The following MARCHF11 variants were observed in gnomAD, a reference collection of about 807,000 sequenced individuals.
MARCHF11 encodes the protein membrane associated ring-CH-type finger 11.
In MARCHF11, 29 loss-of-function variants were observed where a neutral mutation model predicts 37.3. The observed-to-expected ratio is 0.78, with a 90% CI of 0.58 to 1.06. The LOEUF (loss-of-function observed/expected upper bound fraction) is 1.06. Ranked by LOEUF, MARCHF11 falls within the 50% of genes least tolerant of loss-of-function variation. The pLI is 0.00. For synonymous variants in MARCHF11, 233 were observed against 228.0 expected, an observed-to-expected ratio of 1.02 and a Z score of -0.20; for missense variants, 482 against 533.4, an observed-to-expected ratio of 0.90 and a Z score of 0.95.
intron 2 of MARCHF11, among the ~76,000 whole-genome samples, chr5:16,113,135 T>C (rs1371412117): frequency 2.0e-5 from 3 of 152,162 alleles, no homozygotes; most frequent in Non-Finnish European, 4.4e-5. Flanking sequence ...AAGAAATGCA[T>C]GATATATTCA....
chr5:16,088,635 A>G (rs1279327674), intron 3 of MARCHF11, among the ~76,000 whole-genome samples: 6 of 152,212 alleles, frequency 3.9e-5, no homozygotes, highest in African/African-American at 9.7e-5. Context: ...TTTCTTTACT[A>G]TAATAGTTTC....
At chr5:16,162,109 A>G (rs1379962342) in intron 2 of MARCHF11, among the ~76,000 whole-genome samples, 2 of 152,028 alleles carry the variant, frequency 1.3e-5, no homozygotes, top group African/African-American at 4.8e-5. Flanking sequence ...CTATAAATTA[A>G]ATGCTTAAAA....
At chr5:16,116,159 A>G (rs973651878) in intron 2 of MARCHF11, among the ~76,000 whole-genome samples, 13 of 152,210 alleles carry the variant, frequency 8.5e-5, no homozygotes, top group African/African-American at 3.1e-4. Flanking sequence ...CACCAAGTCA[A>G]TGAATAGTAT....
chr5:16,179,392 C>T lies in MARCHF11; in HGVS notation c.184G>A (p.Ala62Thr). The T allele has an allele frequency of 4.4e-6, 5 of 1,148,774 alleles. No individual in the cohort carries two copies. The highest frequency in any genetic ancestry group is 4.2e-5 in the South Asian group (1 of 23,594). The allele number at this position is 1,148,774 out of a possible 1,614,324, so 71.2% of individuals were successfully genotyped here. A position where few individuals can be genotyped will look rare whatever the true frequency, so the allele number is the denominator to read the frequency against. The part of the protein sequence containing the change: ...LPASPETPER[A>T]AGPSEPLGEV... ...CCTAGCGGCTCGCTTGGCCCCGCGG[C>T]GCGCTCGGGGGTCTCGGGGGACGCG... is the stretch of plus-strand genomic sequence containing the variant. The change falls in exon 1 of 4, where the codon GCC becomes ACC. Residue 62 changes from alanine to threonine, a missense_variant. Transcript: ENST00000332432.
Position 16,113,724 on chromosome 5 carries a change from A to T in MARCHF11, c.694-22643T>A, listed in dbSNP as rs114284663. Among the ~76,000 whole-genome samples, 1,296 of 152,332 alleles carry T rather than the reference A, an allele frequency of 8.5e-3. 21 individuals carry two copies. Among genetic ancestry groups the T allele is most frequent in the African/African-American group, 0.03 (1,233 of 41,578 alleles). The stretch of plus-strand genomic sequence containing the variant: ...TTTTGACACATGCATACAATGTGTA[A>T]TGAAGAAATCATGATATTTAGGATA... On this transcript the variant is annotated intron_variant, in intron 2 of 3. Coordinates refer to ENST00000332432, the MANE Select transcript of MARCHF11 (RefSeq NM_001102562.3).
intron 2 of MARCHF11, among the ~76,000 whole-genome samples, chr5:16,101,301 C>T (rs748321062): frequency 5.9e-5 from 9 of 152,086 alleles, no homozygotes; most frequent in Non-Finnish European, 1.3e-4. Flanking sequence ...GCGTGAACCC[C>T]GGAGGCGGAG....
intron 2 of MARCHF11, among the ~76,000 whole-genome samples, chr5:16,155,686 C>T (rs1404571350): frequency 1.3e-5 from 2 of 151,836 alleles, no homozygotes; most frequent in Non-Finnish European, 2.9e-5. Context: ...AAGTAAAATA[C>T]AATTTTCCTA....
At chr5:16,103,286 G>C (rs78205163) in intron 2 of MARCHF11, among the ~76,000 whole-genome samples, 1,739 of 152,282 alleles carry the variant, frequency 0.011, 27 homozygotes, top group African/African-American at 0.04. Flanking sequence ...AGTTGGCTAG[G>C]TGGAGAGACA....
chr5:16,151,685 G>GTGTGTC (rs1553998165), intron 2 of MARCHF11, among the ~76,000 whole-genome samples: 8 of 150,094 alleles, frequency 5.3e-5, no homozygotes, highest in African/African-American at 2.0e-4. Context: ...GTGTGTGTGT[G>GTGTGTC]TGTGTGTCTG....
At chr5:16,095,135 T>G (rs2126559619) in intron 2 of MARCHF11, among the ~76,000 whole-genome samples, 1 of 152,194 alleles carries the variant, frequency 6.6e-6, no homozygotes, top group East Asian at 1.9e-4. Context: ...GCATACACCC[T>G]GCCTCTGCAG....
At chr5:16,073,915 A>T (rs532189265) in intron 3 of MARCHF11, among the ~76,000 whole-genome samples, 7 of 152,356 alleles carry the variant, frequency 4.6e-5, no homozygotes, top group African/African-American at 1.7e-4. Flanking sequence ...AGATATTTCC[A>T]GAACATTCTA....
chr5:16,117,949 G>A (rs986116013), intron 2 of MARCHF11, among the ~76,000 whole-genome samples: 8 of 152,212 alleles, frequency 5.3e-5, no homozygotes, highest in African/African-American at 1.7e-4. Flanking sequence ...CAAGTTTTAT[G>A]AGAAAGCACA....
intron 2 of MARCHF11, among the ~76,000 whole-genome samples, chr5:16,149,296 G>C (rs993533266): frequency 2.0e-5 from 3 of 152,124 alleles, no homozygotes; most frequent in African/African-American, 4.8e-5. Context: ...TGAAGAGGAA[G>C]GGGAATGGAA....
chr5:16,074,752 A>G (rs149340123), intron 3 of MARCHF11, among the ~76,000 whole-genome samples: 15 of 152,332 alleles, frequency 9.8e-5, no homozygotes, highest in African/African-American at 3.4e-4. Flanking sequence ...CCTTGACACA[A>G]AGGGGCTGGT....
intron 3 of MARCHF11, among the ~76,000 whole-genome samples, chr5:16,087,026 C>T (rs1736712097): frequency 6.6e-6 from 1 of 152,138 alleles, no homozygotes; most frequent in Admixed American, 6.6e-5. Flanking sequence ...GTTACTTCTC[C>T]CTAAATTACT....
intron 1 of MARCHF11, among the ~76,000 whole-genome samples, chr5:16,178,162 A>C (rs1738395726): frequency 6.6e-6 from 1 of 152,210 alleles, no homozygotes; most frequent in Admixed American, 6.5e-5. Flanking sequence ...TGTACTATTA[A>C]ATCTCTTTAA....
At chr5:16,117,093 G>A (rs1737237117) in intron 2 of MARCHF11, among the ~76,000 whole-genome samples, 1 of 152,190 alleles carries the variant, frequency 6.6e-6, no homozygotes, top group Non-Finnish European at 1.5e-5. Context: ...AGTAGTAACT[G>A]CAGCAGGAAT....
At position 16,143,480 on chromosome 5, in the gene MARCHF11, C is replaced by T. The variant is rs538839808; in HGVS notation, c.693+34246G>A. Among the ~76,000 whole-genome samples the T allele has an allele frequency of 7.7e-4, 118 of 152,336 alleles. 1 individual carries two copies. Among genetic ancestry groups the T allele is most frequent in the Middle Eastern group, 3.4e-3 (1 of 294 alleles). On this transcript the variant is annotated intron_variant, in intron 2 of 3. Transcript: ENST00000332432. ...GCTGGTTCACCAGGCCACTGGATGTCGATATTTTCCCCATCCAACAGGAAC... is the reference window on the plus strand; with the variant it reads ...GCTGGTTCACCAGGCCACTGGATGTTGATATTTTCCCCATCCAACAGGAAC...
At chr5:16,145,992 C>T (rs1737789952) in intron 2 of MARCHF11, among the ~76,000 whole-genome samples, 1 of 152,138 alleles carries the variant, frequency 6.6e-6, no homozygotes, top group Non-Finnish European at 1.5e-5. Flanking sequence ...ACACCGCCCC[C>T]AACACTCACA....
Sources: allele counts gnomAD v4.1 joint callset (sites outside exome capture counted in the v4.1 genomes callset), GRCh38; gene constraint gnomAD v4.1.1; transcripts MANE v1.5; gene names NCBI Gene and HGNC (gene_info 2026-07-23, HGNC 2026-07-21).